The following PATJ variants were observed in gnomAD, a reference collection of about 807,000 sequenced individuals.
PATJ encodes the protein inaD-like protein.
Under a neutral mutation model 224.9 loss-of-function variants are expected in PATJ, and 190 were observed. The observed-to-expected ratio is 0.84, with a 90% confidence interval of 0.75 to 0.95. PATJ has a LOEUF of 0.95. PATJ is among the 40% of genes least tolerant of loss of function. The probability of loss-of-function intolerance (pLI) is 0.00; values close to 1 mark genes in which losing one functional copy is unlikely to be tolerated. For synonymous variants in PATJ, 769 were observed against 820.3 expected, an observed-to-expected ratio of 0.94 and a Z score of 1.07; for missense variants, 2,121 against 2,270.3, an observed-to-expected ratio of 0.93 and a Z score of 1.34.
intron 31 of PATJ, among the ~76,000 whole-genome samples, chr1:62,078,269 GTGTA>G (rs766400587): frequency 2.6e-5 from 4 of 152,044 alleles, no homozygotes; most frequent in African/African-American, 4.8e-5. Context: ...GTTTTTCTTA[GTGTA>G]TGTATGTATG....
In PATJ at chr1:61,984,167, T is replaced by A. The variant is rs199917284; in HGVS notation, c.3671-6001T>A. Among the ~76,000 whole-genome samples the A allele has an allele frequency of 4.3e-3, 585 of 137,114 alleles. 3 individuals are homozygous for A. Among genetic ancestry groups the A allele is most frequent in the Middle Eastern group, 0.015 (4 of 274 alleles). 90.0% of individuals were successfully genotyped at this position (137,114 alleles called of 152,430 possible). A position where few individuals can be genotyped will look rare whatever the true frequency, so the allele number is the denominator to read the frequency against. On this transcript the variant is annotated intron_variant, in intron 27 of 43. Transcript: ENST00000642238. The stretch of plus-strand genomic sequence containing the variant: ...ACGCTCAATTATTATTATTATTATT[T>A]TTTTTTTTTTTGAGGCAGAGTGTTG...
chr1:61,797,533 C>A, intron 11 of PATJ, 105 bp downstream of exon 11: 1 of 928,492 alleles, frequency 1.1e-6, no homozygotes, highest in Non-Finnish European at 1.7e-6. Context: ...GTTGTCCCAC[C>A]TCGTGTAATA....
chr1:61,786,343 C>T (rs1648515700), intron 7 of PATJ, among the ~76,000 whole-genome samples: 1 of 152,050 alleles, frequency 6.6e-6, no homozygotes, highest in Admixed American at 6.6e-5. Flanking sequence ...TAAATACCTC[C>T]TATGTGCTAA....
intron 33 of PATJ, among the ~76,000 whole-genome samples, chr1:62,085,825 A>T (rs1207722631): frequency 6.9e-6 from 1 of 143,972 alleles, no homozygotes; most frequent in African/African-American, 2.5e-5. Flanking sequence ...TCTCTGTTTA[A>T]AAAAAAAAAA....
intron 1 of PATJ, among the ~76,000 whole-genome samples, chr1:61,750,151 C>T (rs1645240372): frequency 6.6e-6 from 1 of 152,178 alleles, no homozygotes; most frequent in Non-Finnish European, 1.5e-5. Context: ...GAAGCTGCCT[C>T]ATAGTTCAAA....
chr1:61,921,555 T>G (rs1002549345), intron 26 of PATJ, among the ~76,000 whole-genome samples: 1 of 152,208 alleles, frequency 6.6e-6, no homozygotes, highest in African/African-American at 2.4e-5. Context: ...TGTCAATCTT[T>G]TAGAGGTACA....
intron 14 of PATJ, among the ~76,000 whole-genome samples, chr1:61,810,241 G>C (rs72929655): frequency 2.0e-5 from 3 of 151,982 alleles, no homozygotes; most frequent in African/African-American, 4.8e-5. Flanking sequence ...TGACTGTGTC[G>C]GCCAACTGAC....
intron 27 of PATJ, among the ~76,000 whole-genome samples, chr1:61,959,996 A>G (rs897978573): frequency 2.0e-5 from 3 of 152,104 alleles, no homozygotes; most frequent in African/African-American, 7.2e-5. Flanking sequence ...GCACCCTAGC[A>G]TGGACAACAG....
intron 39 of PATJ, among the ~76,000 whole-genome samples, chr1:62,125,212 G>C (rs998705917): frequency 2.2e-5 from 3 of 134,588 alleles, no homozygotes; most frequent in Non-Finnish European, 3.1e-5. Context: ...ACTCCAGCCT[G>C]GGTGACAGAG....
At chr1:61,912,596 G>C (rs1422814336) in intron 25 of PATJ, among the ~76,000 whole-genome samples, 1 of 149,458 alleles carries the variant, frequency 6.7e-6, no homozygotes, top group African/African-American at 2.5e-5. Context: ...GTGAGACTCT[G>C]TCTCAACGAA....
intron 27 of PATJ, among the ~76,000 whole-genome samples, chr1:61,934,196 G>A (rs1265847722): frequency 2.0e-5 from 3 of 152,194 alleles, no homozygotes; most frequent in Non-Finnish European, 4.4e-5. Context: ...TCGGCTCACC[G>A]CAACCTCTGC....
chr1:61,814,549 C>CGT lies in PATJ; in HGVS notation c.1683+6020_1683+6021insTG, dbSNP rs1352908476. Among the ~76,000 whole-genome samples the CGT allele has an allele frequency of 5.6e-5, 6 of 107,726 alleles. No homozygotes were observed. In the East Asian group the frequency reaches 1.0e-3, roughly 18 times the overall value. 70.7% of individuals were successfully genotyped at this position (107,726 alleles called of 152,430 possible). A position where few individuals can be genotyped will look rare whatever the true frequency, so the allele number is the denominator to read the frequency against. On this transcript the variant is annotated intron_variant, in intron 14 of 43. Coordinates refer to ENST00000642238, the MANE Select transcript of PATJ (RefSeq NM_001350145.3). ...GTGTGTGTGTGTGTGTGTGTGTGTG[C>CGT]GCGCGCGCGCGCATGTATGTGGGAT... is the stretch of plus-strand genomic sequence containing the variant.
chr1:61,953,651 C>T (rs1289405728), intron 27 of PATJ, among the ~76,000 whole-genome samples: 1 of 152,194 alleles, frequency 6.6e-6, no homozygotes, highest in Admixed American at 6.5e-5. Context: ...CTTTTTAATA[C>T]TGCTTCTCAA....
intron 31 of PATJ, among the ~76,000 whole-genome samples, chr1:62,077,686 C>CAAA (rs11439364): frequency 0.21 from 18,218 of 88,140 alleles, 1,406 homozygotes; most frequent in African/African-American, 0.25. Context: ...AGACCCTGTC[C>CAAA]AAAAAAAAAA....
chr1:61,813,378 TAC>T (rs141533164), intron 14 of PATJ, among the ~76,000 whole-genome samples: 1,490 of 45,300 alleles, frequency 0.033, 16 homozygotes, highest in Non-Finnish European at 0.039. Flanking sequence ...TATATATATA[TAC>T]ACACACACAC....
At position 62,017,862 on chromosome 1, in the gene PATJ, A is replaced by G; in HGVS notation, c.3874A>G (p.Asn1292Asp). ...RIGDELLEIN[N>D]QILYGRSHQN... The stretch of plus-strand genomic sequence containing the variant: ...TGTGGTTTTTCCCAAACAGATAAAC[A>G]ATCAGATTCTGTATGGAAGAAGTCA... Residue 1292 changes from asparagine (N) to aspartate (D), a missense_variant, in exon 29 of 44, where the codon AAT becomes GAT. Coordinates refer to ENST00000642238, the MANE Select transcript of PATJ (RefSeq NM_001350145.3). 1 of 1,595,660 alleles carries G rather than the reference A, an allele frequency of 6.3e-7. No individual in the cohort carries two copies.
At chr1:62,073,178 C>T (rs1657732655) in intron 31 of PATJ, 1 of 985,340 alleles carries the variant, frequency 1.0e-6, no homozygotes, top group Non-Finnish European at 1.2e-6. Context: ...GAGGTGATTG[C>T]AATGAGATCA....
At chr1:61,908,605 G>A in intron 25 of PATJ, 123 bp downstream of exon 25, 1 of 629,556 alleles carries the variant, frequency 1.6e-6, no homozygotes, top group South Asian at 2.1e-5. Context: ...TTTAAAGTAT[G>A]AGCTTCATAA....
intron 20 of PATJ, among the ~76,000 whole-genome samples, chr1:61,866,189 G>T (rs1472012046): frequency 1.3e-5 from 2 of 152,120 alleles, no homozygotes; most frequent in Non-Finnish European, 2.9e-5. Context: ...AATCAAATTG[G>T]AAAGATTACT....
Sources: allele counts gnomAD v4.1 joint callset (sites outside exome capture counted in the v4.1 genomes callset), GRCh38; gene constraint gnomAD v4.1.1; transcripts MANE v1.5; gene names NCBI Gene and HGNC (gene_info 2026-07-23, HGNC 2026-07-21).